The following MARCHF7 variants were observed in gnomAD, a reference collection of about 807,000 sequenced individuals.
The protein encoded by MARCHF7 is membrane associated ring-CH-type finger 7.
MARCHF7 carries 20 observed loss-of-function variants against 76.5 expected under a neutral mutation model. The ratio of observed to expected loss-of-function variants is 0.26; its 90% CI spans 0.18 to 0.38. The LOEUF (loss-of-function observed/expected upper bound fraction) is 0.38. MARCHF7 is among the 10% of genes least tolerant of loss of function. The probability of loss-of-function intolerance (pLI) is 1.00; values close to 1 mark genes in which losing one functional copy is unlikely to be tolerated. For missense variants in MARCHF7, 797 were observed against 812.9 expected, an observed-to-expected ratio of 0.98 and a Z score of 0.24; for synonymous variants, 295 against 293.0, an observed-to-expected ratio of 1.01 and a Z score of -0.07.
At chr2:159,765,022 T>TGTTTC (rs1206218595) in intron 11 of MARCHF7, among the ~76,000 whole-genome samples, 16 of 152,248 alleles carry the variant, frequency 1.1e-4, no homozygotes, top group Non-Finnish European at 1.9e-4. Context: ...GATTTTGTTT[T>TGTTTC]GTTTCGTTTC....
chr2:159,729,164 T>G lies in MARCHF7; in HGVS notation c.142T>G (p.Ser48Ala), dbSNP rs1203294151. The G allele has an allele frequency of 6.3e-7, 1 of 1,595,968 alleles. No homozygotes were observed. The highest frequency in any genetic ancestry group is 8.5e-7 in the Non-Finnish European group (1 of 1,174,220). ...HSRDSSFRLDSEYQSTSASAS... is the reference protein window; with the variant it reads ...HSRDSSFRLDAEYQSTSASAS... ...AAGAGACTCTTCATTTAGATTGGAT[T>G]CTGAATATCAGGTAACATTTTTATT... The change falls in exon 4 of 12, where the codon TCT (serine) becomes GCT (alanine). Residue 48 changes from serine (S) to alanine (A), a missense_variant. By Grantham distance (99) the Ser-to-Ala change is moderately conservative (BLOSUM62 1). Transcript: ENST00000409175.
At chr2:159,755,572 TAGTC>T (rs755856750) in intron 8 of MARCHF7, among the ~76,000 whole-genome samples, 1 of 152,160 alleles carries the variant, frequency 6.6e-6, no homozygotes, top group East Asian at 1.9e-4. Context: ...TAGGTATCGT[TAGTC>T]AGGAGGCACT....
intron 5 of MARCHF7, among the ~76,000 whole-genome samples, chr2:159,743,607 C>T (rs144774247): frequency 3.9e-5 from 6 of 152,042 alleles, no homozygotes; most frequent in Non-Finnish European, 5.9e-5. Flanking sequence ...TTAAGCATGT[C>T]TTATATAAAT....
intron 7 of MARCHF7, among the ~76,000 whole-genome samples, chr2:159,750,250 G>A (rs538930654): frequency 6.6e-6 from 1 of 152,316 alleles, no homozygotes; most frequent in East Asian, 1.9e-4. Context: ...AGTTTAGGCC[G>A]GGCGCAGTGG....
At chr2:159,748,978 C>CTTTTTTTTTTTT in intron 7 of MARCHF7, 75 bp downstream of exon 7, 1 of 775,340 alleles carries the variant, frequency 1.3e-6, no homozygotes, top group Non-Finnish European at 1.7e-6. Flanking sequence ...TTTTTCTTTT[C>CTTTTTTTTTTTT]TTTTTTTTTT....
chr2:159,713,193 GGTGAATTGTGGGTTCT>G (rs761379278), intron 1 of MARCHF7, among the ~76,000 whole-genome samples: 1 of 152,176 alleles, frequency 6.6e-6, no homozygotes, highest in Non-Finnish European at 1.5e-5. Flanking sequence ...TTTGTGTTGT[GGTGAATTGTGGGTTCT>G]GCAACTCGAA....
At chr2:159,763,793 T>G (rs1256645236) in intron 10 of MARCHF7, among the ~76,000 whole-genome samples, 8 of 152,226 alleles carry the variant, frequency 5.3e-5, no homozygotes, top group Admixed American at 5.2e-4. Context: ...TATGTAATAC[T>G]CCTTCTAAAT....
chr2:159,762,945 C>G lies in MARCHF7; in HGVS notation c.1959C>G (p.Ser653Arg), dbSNP rs1560029560. 1 of 1,612,858 alleles carries G rather than the reference C, an allele frequency of 6.2e-7. No individual in the cohort carries two copies. The highest frequency in any genetic ancestry group is 1.3e-5 in the African/African-American group (1 of 74,868). The change falls in exon 10 of 12, where the codon AGC becomes AGG. Residue 653 changes from serine to arginine, a missense_variant. Physicochemically the swap from Ser to Arg is moderately radical, Grantham distance 110. Coordinates refer to ENST00000409175, the MANE Select transcript of MARCHF7 (RefSeq NM_001282805.2). ...TGTTATTGCACTTGTGCGAACAAAG[C>G]TTTTCTGATATGATGGGAAATACAA... ...LVVLLHLCEQ[S>R]FSDMMGNTNE...
chr2:159,715,857 A>C (rs558197473), intron 3 of MARCHF7, 91 bp downstream of exon 3: 47 of 152,360 alleles, frequency 3.1e-4, no homozygotes, highest in African/African-American at 1.1e-3. Context: ...GAACCTTAAA[A>C]GTAGTTATCT....
At chr2:159,734,163 A>AT (rs1703168191) in intron 4 of MARCHF7, 1 of 1,062,362 alleles carries the variant, frequency 9.4e-7, no homozygotes, top group Non-Finnish European at 1.2e-6. Flanking sequence ...TGGATATGTA[A>AT]TTTTGTTTTG....
intron 1 of MARCHF7, among the ~76,000 whole-genome samples, chr2:159,713,672 A>C (rs1186393933): frequency 6.6e-6 from 1 of 152,178 alleles, no homozygotes; most frequent in East Asian, 1.9e-4. Flanking sequence ...GGTAGCAAAA[A>C]GTTTGTTTGA....
At chr2:159,752,335 A>G (rs1705755378) in intron 7 of MARCHF7, 67 bp from the exon 8 acceptor site, 1 of 1,400,622 alleles carries the variant, frequency 7.1e-7, no homozygotes, top group East Asian at 2.6e-5. Flanking sequence ...GCTTGTGATT[A>G]TGTATGACTG....
At chr2:159,742,260 G>GT (rs1451065671) in intron 4 of MARCHF7, among the ~76,000 whole-genome samples, 2 of 147,336 alleles carry the variant, frequency 1.4e-5, no homozygotes, top group African/African-American at 2.5e-5. Flanking sequence ...TTTTTTTTTT[G>GT]TTTTTTAGCA....
At chr2:159,716,673 T>C (rs574302342) in intron 3 of MARCHF7, among the ~76,000 whole-genome samples, 1 of 152,160 alleles carries the variant, frequency 6.6e-6, no homozygotes, top group Admixed American at 6.5e-5. Flanking sequence ...TACATTGGTA[T>C]TTTGTGTGAT....
rs1484336236 is a variant in MARCHF7 at position 159,762,985 on chromosome 2, C to G, written c.1999C>G (p.Arg667Gly). 1.1e-5 allele frequency: 17 copies of G among 1,608,404 alleles called. No individual in the cohort carries two copies. The East Asian group carries it at 3.6e-4, about 34-fold the overall frequency. The change falls in exon 10 of 12, where the codon CGT becomes GGT. Residue 667 changes from arginine (R) to glycine (G), a missense_variant. Arg to Gly is a moderately radical substitution (Grantham distance 125, BLOSUM62 -2). Around this residue, in one of 3 missense-constraint regions of MARCHF7, gnomAD observed 124 missense variants for 121.3 expected, o/e 1.02. Transcript: ENST00000409175. ...GGGAAATACAAATGAACCAAGCACACGTGTCCGAGTAAGTAATAATGAAGT... is the reference window on the plus strand; with the variant it reads ...GGGAAATACAAATGAACCAAGCACAGGTGTCCGAGTAAGTAATAATGAAGT... ...MMGNTNEPSTRVRFINLARTL... is the reference protein window; with the variant it reads ...MMGNTNEPSTGVRFINLARTL...
At chr2:159,747,703 T>C (rs1705076706) in intron 6 of MARCHF7, 102 bp from the exon 7 acceptor site, 1 of 1,105,802 alleles carries the variant, frequency 9.0e-7, no homozygotes, top group African/African-American at 1.6e-5. Context: ...ATAACAGTAT[T>C]AAGTTTGAAT....
chr2:159,762,985 C>T lies in MARCHF7; in HGVS notation c.1999C>T (p.Arg667Cys), dbSNP rs1484336236. The change falls in exon 10 of 12, where the codon CGT (arginine) becomes TGT (cysteine). Residue 667 changes from arginine to cysteine, a missense_variant. By Grantham distance (180) the Arg-to-Cys change is radical. Coordinates refer to ENST00000409175, the MANE Select transcript of MARCHF7 (RefSeq NM_001282805.2). ...GGGAAATACAAATGAACCAAGCACA[C>T]GTGTCCGAGTAAGTAATAATGAAGT... ...MMGNTNEPST[R>C]VRFINLARTL... 7 of 1,608,522 alleles carry T rather than the reference C, an allele frequency of 4.4e-6. No individual in the cohort carries two copies. The highest frequency in any genetic ancestry group is 1.7e-4 in the Middle Eastern group (1 of 6,050).
chr2:159,730,994 G>C (rs954177035), intron 4 of MARCHF7, among the ~76,000 whole-genome samples: 1 of 152,122 alleles, frequency 6.6e-6, no homozygotes, highest in Admixed American at 6.6e-5. Flanking sequence ...GGCTCAAGTG[G>C]TCCTCTCACC....
intron 4 of MARCHF7, among the ~76,000 whole-genome samples, chr2:159,730,830 G>T (rs965381663): frequency 6.6e-6 from 1 of 152,158 alleles, no homozygotes; most frequent in East Asian, 1.9e-4. Flanking sequence ...CTAGAGAGGA[G>T]TCATGTTTCA....
Sources: allele counts gnomAD v4.1 joint callset (sites outside exome capture counted in the v4.1 genomes callset), GRCh38; gene constraint gnomAD v4.1.1; regional missense constraint gnomAD v4.1.1; transcripts MANE v1.5; gene names NCBI Gene and HGNC (gene_info 2026-07-23, HGNC 2026-07-21).